The following SPTA1 variants were observed in gnomAD, a reference collection of about 807,000 sequenced individuals.
The protein encoded by SPTA1 is spectrin alpha, erythrocytic 1.
In SPTA1, 177 loss-of-function variants were observed where a neutral mutation model predicts 324.7. The ratio of observed to expected loss-of-function variants is 0.55; its 90% CI spans 0.48 to 0.62. The LOEUF is 0.62. SPTA1 is among the 20% of genes least tolerant of loss of function. The pLI is 0.00. For synonymous variants in SPTA1, 1,195 were observed against 1,041.3 expected (o/e 1.15, Z -2.84); for missense variants, 3,162 against 2,883.6 (o/e 1.10, Z -2.21).
At chr1:158,653,199 G>A in intron 22 of SPTA1, 75 bp downstream of exon 22, 2 of 1,595,454 alleles carry the variant, frequency 1.3e-6, no homozygotes, top group Non-Finnish European at 8.6e-7. Flanking sequence ...ACAGATGCAG[G>A]GTCATGAGAA....
chr1:158,624,146 A>G (rs1317073124), intron 42 of SPTA1, among the ~76,000 whole-genome samples: 2 of 152,172 alleles, frequency 1.3e-5, no homozygotes, highest in African/African-American at 4.8e-5. Context: ...CTGCAGGGGC[A>G]GAGTCCTCAT....
Position 158,620,451 on chromosome 1 carries a change from C to A in SPTA1, c.6136G>T (p.Val2046Leu). 6.2e-7 allele frequency: 1 copy of A among 1,612,926 alleles called. No homozygotes were observed. The highest frequency in any genetic ancestry group is 8.5e-7 in the Non-Finnish European group (1 of 1,180,028). Reference protein sequence around the residue: ...LPLQKAEDLFVEFAHKASALN... With the variant: ...LPLQKAEDLFLEFAHKASALN... ...GCTGAAGCCTTATGTGCAAATTCCACGAACAGGTCCTCAGCCTGCAGAGAG... is the reference window on the plus strand; with the variant it reads ...GCTGAAGCCTTATGTGCAAATTCCAAGAACAGGTCCTCAGCCTGCAGAGAG... Residue 2046 changes from valine (V) to leucine (L), a missense_variant, in exon 44 of 52, where the codon GTG becomes TTG. Coordinates refer to ENST00000643759, the MANE Select transcript of SPTA1 (RefSeq NM_003126.4).
chr1:158,648,361 A>T, intron 26 of SPTA1, 148 bp downstream of exon 26: 1 of 1,203,930 alleles, frequency 8.3e-7, no homozygotes. Flanking sequence ...GTCTTGCCTT[A>T]GGGACAGTGT....
chr1:158,666,085 C>T (rs56362544), intron 16 of SPTA1, among the ~76,000 whole-genome samples: 11,692 of 151,960 alleles, frequency 0.077, 1,542 homozygotes, highest in African/African-American at 0.27. Context: ...CTAAAAATTT[C>T]GAATTTTTAC....
At chr1:158,636,541 T>A (rs1202325572) in intron 37 of SPTA1, 100 bp downstream of exon 37, 19 of 1,360,170 alleles carry the variant, frequency 1.4e-5, no homozygotes, top group Non-Finnish European at 2.0e-5. Context: ...GACCTTGACA[T>A]CCTATTTTCA....
At chr1:158,661,149 A>T in intron 18 of SPTA1, 138 bp downstream of exon 18, 4 of 1,346,426 alleles carry the variant, frequency 3.0e-6, no homozygotes, top group Non-Finnish European at 4.2e-6. Flanking sequence ...CCCATTTGTC[A>T]GAAATGCCAA....
At chr1:158,628,595 C>T (rs150407890) in intron 39 of SPTA1, among the ~76,000 whole-genome samples, 1,777 of 152,018 alleles carry the variant, frequency 0.012, 48 homozygotes, top group South Asian at 0.071. Flanking sequence ...TTTGAAGAAA[C>T]GGTAAATGAA....
intron 43 of SPTA1, among the ~76,000 whole-genome samples, chr1:158,621,074 A>G (rs945916736): frequency 1.3e-5 from 2 of 151,962 alleles, no homozygotes; most frequent in African/African-American, 4.8e-5. Context: ...CTTATCTTCT[A>G]CCCTCTAACC....
Position 158,671,378 on chromosome 1 carries a change from CAA to C in SPTA1, c.1562_1563del (p.Phe521Ter). ...TCTTCCTGGGCAGTAAAGGCTTCCTCAAAGTCTTCATGCTTCTGAAGAAGGGC... is the reference window on the plus strand; with the variant it reads ...TCTTCCTGGGCAGTAAAGGCTTCCTCAGTCTTCATGCTTCTGAAGAAGGGC... ...AEALLQKHED[F>X]EEAFTAQEEK... On this transcript the variant is annotated frameshift_variant, in exon 12 of 52. Coordinates refer to ENST00000643759, the MANE Select transcript of SPTA1 (RefSeq NM_003126.4). LOFTEE classifies it high-confidence loss of function. 1 of 1,613,560 alleles carries C rather than the reference CAA, an allele frequency of 6.2e-7. No individual in the cohort carries two copies. Among genetic ancestry groups the C allele is most frequent in the Non-Finnish European group, 8.5e-7 (1 of 1,179,896 alleles).
At chr1:158,672,008 T>C in intron 11 of SPTA1, 51 bp downstream of exon 11, 1 of 1,610,752 alleles carries the variant, frequency 6.2e-7, no homozygotes, top group Non-Finnish European at 8.5e-7. Context: ...TGGTGGCAAA[T>C]GAAGGGTGAG....
intron 7 of SPTA1, among the ~76,000 whole-genome samples, chr1:158,677,356 G>T (rs944133191): frequency 6.6e-6 from 1 of 152,106 alleles, no homozygotes; most frequent in Non-Finnish European, 1.5e-5. Context: ...GGTAGAGTCT[G>T]GCCACGGTGT....
chr1:158,674,816 C>G, intron 8 of SPTA1, 141 bp from the exon 9 acceptor site: 4 of 1,194,210 alleles, frequency 3.3e-6, no homozygotes, highest in Non-Finnish European at 4.9e-6. Context: ...CTGATTATTT[C>G]CTGTTATTTA....
rs528674757 is a variant in SPTA1, at chr1:158,631,573, C to A, written c.5565+2970G>T. ...CCACTAAAGAACTTATCCATATAAC[C>A]AAAACCACCTGTACCTAAAAAAGTA... is the stretch of plus-strand genomic sequence containing the variant. On this transcript the variant is annotated intron_variant, in intron 39 of 51. Coordinates refer to ENST00000643759, the MANE Select transcript of SPTA1 (RefSeq NM_003126.4). Among the ~76,000 whole-genome samples, 1,312 of 151,950 alleles carry A rather than the reference C, an allele frequency of 8.6e-3. 17 individuals carry two copies. The highest frequency in any genetic ancestry group is 0.03 in the African/African-American group (1,247 of 41,442).
At position 158,611,315 on chromosome 1, in the gene SPTA1, A is replaced by G. The variant is rs1649246803; in HGVS notation, c.7209T>C (p.His2403=). The stretch of plus-strand genomic sequence containing the variant: ...AGCCAACGTAGTCATAGCCAGAGAG[A>G]TGGCTTCGACCCCGTGGGTCCATAT... The part of the protein sequence containing the change: ...QQYMDPRGRS[H]LSGYDYVGFT... Residue 2403 remains histidine, a synonymous_variant, in exon 52 of 52, where the codon CAT becomes CAC. Coordinates refer to ENST00000643759, the MANE Select transcript of SPTA1 (RefSeq NM_003126.4). 1 of 1,613,728 alleles carries G rather than the reference A, an allele frequency of 6.2e-7. No homozygotes were observed. Among genetic ancestry groups the G allele is most frequent in the Non-Finnish European group, 8.5e-7 (1 of 1,179,806 alleles).
At position 158,666,507 on chromosome 1, in the gene SPTA1, G is replaced by A. The variant is rs746695850; in HGVS notation, c.2039-10C>T. The A allele has an allele frequency of 5.0e-6, 8 of 1,605,354 alleles. No homozygotes were observed. The Admixed American group carries it at 6.7e-5, about 13-fold the overall frequency. On this transcript the variant is annotated splice_polypyrimidine_tract_variant and intron_variant, in intron 15 of 51. Coordinates refer to ENST00000643759, the MANE Select transcript of SPTA1 (RefSeq NM_003126.4). ...TCATGCAACTGGGTCCCTGGGAGAA[G>A]ACATAAGGTAGAAGACATTAGGTAC...
chr1:158,662,627 C>G (rs1653303537), intron 17 of SPTA1, 75 bp downstream of exon 17: 15 of 1,604,210 alleles, frequency 9.4e-6, no homozygotes, highest in Non-Finnish European at 1.3e-5. Context: ...ACTCCAACTA[C>G]TGTACCCCAG....
intron 10 of SPTA1, among the ~76,000 whole-genome samples, chr1:158,672,739 T>C (rs1654112303): frequency 6.6e-6 from 1 of 152,102 alleles, no homozygotes; most frequent in African/African-American, 2.4e-5. Flanking sequence ...CCTTTGTTTC[T>C]GGTCAAGCAT....
chr1:158,649,995 T>A (rs769751471), intron 24 of SPTA1, 48 bp from the exon 25 acceptor site: 1 of 1,293,572 alleles, frequency 7.7e-7, no homozygotes, highest in Middle Eastern at 1.8e-4. Context: ...CTAACTCACA[T>A]GGCTCAGTGG....
chr1:158,629,187 C>CTCTATCTATCTA lies in SPTA1; in HGVS notation c.5566-1476_5566-1465dup, dbSNP rs71084281. The stretch of plus-strand genomic sequence containing the variant: ...GTCTATCAAGAGAGACAAAATATAT[C>CTCTATCTATCTA]TCTATCTATCTATCTATCTATCTAT... On this transcript the variant is annotated intron_variant, in intron 39 of 51. Coordinates refer to ENST00000643759, the MANE Select transcript of SPTA1 (RefSeq NM_003126.4). Among the ~76,000 whole-genome samples, 756 of 148,234 alleles carry CTCTATCTATCTA rather than the reference C, an allele frequency of 5.1e-3. 9 individuals are homozygous for CTCTATCTATCTA. The highest frequency in any genetic ancestry group is 0.016 in the East Asian group (78 of 4,932).
Sources: allele counts gnomAD v4.1 joint callset (sites outside exome capture counted in the v4.1 genomes callset), GRCh38; gene constraint gnomAD v4.1.1; transcripts MANE v1.5; gene names NCBI Gene and HGNC (gene_info 2026-07-23, HGNC 2026-07-21).